The following MIER1 variants were observed in gnomAD, a reference collection of about 807,000 sequenced individuals.
The protein encoded by MIER1 is MIER1 transcriptional regulator, also known as mesoderm induction early response protein 1.
MIER1 carries 40 observed loss-of-function variants against 75.7 expected under a neutral mutation model. That is an observed-to-expected ratio of 0.53 (90% CI 0.41 to 0.69). The LOEUF (loss-of-function observed/expected upper bound fraction) is 0.69. Among genes scored for constraint, MIER1 ranks in the 30% least tolerant of loss-of-function variants. MIER1 has a pLI of 0.00. For synonymous variants in MIER1, 213 were observed against 223.4 expected (o/e 0.95, Z 0.42); for missense variants, 574 against 680.2 (o/e 0.84, Z 1.74).
chr1:66,945,374 T>G (rs66979028), intron 3 of MIER1, among the ~76,000 whole-genome samples: 6,902 of 148,556 alleles, frequency 0.046, 193 homozygotes, highest in Middle Eastern at 0.08. Context: ...GTTTGGGGAA[T>G]AATGACAAGG....
chr1:66,948,342 A>G (rs776347516), intron 4 of MIER1: 7 of 541,778 alleles, frequency 1.3e-5, no homozygotes, highest in Non-Finnish European at 1.6e-5. Flanking sequence ...ATGAATGCTT[A>G]TACTTTTATG....
intron 4 of MIER1, chr1:66,947,910 A>G: frequency 1.0e-6 from 1 of 985,370 alleles, no homozygotes; most frequent in African/African-American, 1.7e-5. Context: ...ATGCATCCCA[A>G]GGCCGGCTCC....
At position 66,988,451 on chromosome 1, in the gene MIER1, C is replaced by A. The variant is rs975097100; in HGVS notation, c.*3551C>A. The A allele has an allele frequency of 2.4e-4, 37 of 152,400 alleles. No homozygotes were observed. Among genetic ancestry groups the A allele is most frequent in the Admixed American group, 2.0e-3 (31 of 15,294 alleles). The allele number at this position is 152,400 out of a possible 1,614,324, so 9.4% of individuals were successfully genotyped here. On this transcript the variant is annotated 3_prime_UTR_variant, in exon 14 of 14. Transcript: ENST00000401041. ...TCTGATTAACCTTTCTTTTCTAATA[C>A]CAGTTTTCCATAAACTCTTGTCATG...
At chr1:66,931,086 T>A (rs1165948994) in intron 2 of MIER1, among the ~76,000 whole-genome samples, 3 of 137,730 alleles carry the variant, frequency 2.2e-5, no homozygotes, top group Non-Finnish European at 3.1e-5. Flanking sequence ...AAATCAAGGC[T>A]ACCTATTCTT....
intron 12 of MIER1, among the ~76,000 whole-genome samples, chr1:66,978,184 A>G (rs1394876114): frequency 6.7e-6 from 1 of 149,620 alleles, no homozygotes; most frequent in Non-Finnish European, 1.5e-5. Flanking sequence ...CAACAGAGCG[A>G]AACTCCATCT....
At chr1:66,956,294 A>G (rs1213650030) in intron 4 of MIER1, among the ~76,000 whole-genome samples, 1 of 152,118 alleles carries the variant, frequency 6.6e-6, no homozygotes, top group African/African-American at 2.4e-5. Flanking sequence ...GGTGGTGCAC[A>G]TGTATAGTCC....
intron 2 of MIER1, among the ~76,000 whole-genome samples, chr1:66,935,260 G>A (rs999837081): frequency 3.3e-5 from 5 of 152,130 alleles, no homozygotes; most frequent in Non-Finnish European, 5.9e-5. Flanking sequence ...CAAATCTGAG[G>A]CATTGAATAT....
At chr1:66,945,289 ATATATATATATATATATATATATATAT>A (rs1558041866) in intron 3 of MIER1, among the ~76,000 whole-genome samples, 30 of 7,574 alleles carry the variant, frequency 4.0e-3, no homozygotes, top group African/African-American at 0.015. Flanking sequence ...ATATATATAT[ATATATATATATATATATATATATATAT>A]AAAATACCTA....
Position 66,987,758 on chromosome 1 carries a change from G to A in MIER1, c.*2858G>A, listed in dbSNP as rs1666959388. On this transcript the variant is annotated 3_prime_UTR_variant, in exon 14 of 14. Coordinates refer to ENST00000401041, the MANE Select transcript of MIER1 (RefSeq NM_001077700.3). The stretch of plus-strand genomic sequence containing the variant: ...TTTGAATGATGCATGTTATTGACAA[G>A]GCAAATATATATATATACACAGTCT... 6.7e-6 allele frequency: 1 copy of A among 148,174 alleles called. No individual in the cohort carries two copies. Among genetic ancestry groups the A allele is most frequent in the African/African-American group, 2.6e-5 (1 of 38,526 alleles). The allele number at this position is 148,174 out of a possible 1,614,324, so 9.2% of individuals were successfully genotyped here.
intron 6 of MIER1, 77 bp downstream of exon 6, chr1:66,959,060 C>T: frequency 1.6e-6 from 2 of 1,217,480 alleles, no homozygotes; most frequent in Non-Finnish European, 2.3e-6. Flanking sequence ...CTTTTTTAAA[C>T]TGGTCTTTGA....
At chr1:66,945,301 ATATATATATATATAT>A (rs1657312010) in intron 3 of MIER1, among the ~76,000 whole-genome samples, 1 of 134,998 alleles carries the variant, frequency 7.4e-6, no homozygotes, top group African/African-American at 3.0e-5. Context: ...ATATATATAT[ATATATATATATATAT>A]AAAATACCTA....
At chr1:66,931,907 A>G (rs1326377668) in intron 2 of MIER1, among the ~76,000 whole-genome samples, 2 of 152,198 alleles carry the variant, frequency 1.3e-5, no homozygotes, top group African/African-American at 2.4e-5. Context: ...AATGTGCTAC[A>G]TAGGTAATGT....
intron 2 of MIER1, among the ~76,000 whole-genome samples, chr1:66,937,932 T>C (rs1235047415): frequency 2.0e-5 from 3 of 152,162 alleles, no homozygotes; most frequent in African/African-American, 4.8e-5. Context: ...GGATACTAAA[T>C]GTATCTGTAG....
chr1:66,957,084 T>C (rs1660288456), intron 4 of MIER1, among the ~76,000 whole-genome samples: 2 of 152,306 alleles, frequency 1.3e-5, no homozygotes, highest in South Asian at 2.1e-4. Context: ...ACCATGTGCA[T>C]TGTATGTGGG....
At chr1:66,928,769 TA>T in intron 2 of MIER1, 1 of 578,530 alleles carries the variant, frequency 1.7e-6, no homozygotes, top group Non-Finnish European at 3.0e-6. Context: ...CACTTTTATA[TA>T]AGTTTTCTAA....
rs550572476 is a variant in MIER1, at chr1:66,987,037, A to G, written c.*2137A>G. The G allele has an allele frequency of 6.6e-6, 1 of 152,298 alleles. No homozygotes were observed. Among genetic ancestry groups the G allele is most frequent in the East Asian group, 1.9e-4 (1 of 5,328 alleles). The allele number at this position is 152,298 out of a possible 1,614,324, so 9.4% of individuals were successfully genotyped here. A position where few individuals can be genotyped will look rare whatever the true frequency, so the allele number is the denominator to read the frequency against. On this transcript the variant is annotated 3_prime_UTR_variant, in exon 14 of 14. Coordinates refer to ENST00000401041, the MANE Select transcript of MIER1 (RefSeq NM_001077700.3). ...AACTCTTACTACAGAAATGTTTTAAATACATTCTCAGGCATGTTTGCAAAA... is the reference window on the plus strand; with the variant it reads ...AACTCTTACTACAGAAATGTTTTAAGTACATTCTCAGGCATGTTTGCAAAA...
intron 2 of MIER1, chr1:66,930,475 G>T (rs765235878): frequency 6.6e-7 from 1 of 1,518,854 alleles, no homozygotes; most frequent in Non-Finnish European, 9.0e-7. Context: ...AGTGGAGTGG[G>T]CCTGGCCAGG....
intron 3 of MIER1, chr1:66,940,314 TCA>T: frequency 3.1e-6 from 1 of 322,144 alleles, no homozygotes; most frequent in South Asian, 9.9e-5. Flanking sequence ...TATGTATTTC[TCA>T]CAGTTTTGTA....
intron 4 of MIER1, among the ~76,000 whole-genome samples, chr1:66,950,572 A>G (rs145304943): frequency 6.6e-6 from 1 of 152,188 alleles, no homozygotes; most frequent in African/African-American, 2.4e-5. Context: ...GATATATTTT[A>G]TAAAAATCAC....
Sources: allele counts gnomAD v4.1 joint callset (sites outside exome capture counted in the v4.1 genomes callset), GRCh38; gene constraint gnomAD v4.1.1; transcripts MANE v1.5; gene names NCBI Gene and HGNC (gene_info 2026-07-23, HGNC 2026-07-21).